MMUT: variants seen among roughly 807,000 people sequenced by gnomAD.
The protein encoded by MMUT is methylmalonyl-CoA mutase.
A neutral mutation model predicts 79.9 loss-of-function variants in MMUT; 79 were observed. That is an observed-to-expected ratio of 0.99 (90% CI 0.82 to 1.19). The LOEUF is 1.19. Among genes scored for constraint, MMUT ranks in the 50% most tolerant of loss-of-function variants. The pLI is 0.00. For missense variants in MMUT, 860 were observed against 917.2 expected, an observed-to-expected ratio of 0.94 and a Z score of 0.81; for synonymous variants, 273 against 295.7, an observed-to-expected ratio of 0.92 and a Z score of 0.79.
chr6:49,435,621 A>G lies in MMUT; in HGVS notation c.1959T>C (p.Thr653=), dbSNP rs149460386. ...CAGCCTGCTGGGCCACTTCACGAGG[A>G]GTCTAAACAGTCAGAAAGTAAAGAT... ...FDVDIGPLFQ[T]PREVAQQAVD... is the part of the protein sequence containing the mutation. Residue 653 remains threonine (T), a splice_region_variant and synonymous_variant, in exon 12 of 13, where the codon ACT becomes ACC. Transcript: ENST00000274813. 48 of 1,613,120 alleles carry G rather than the reference A, an allele frequency of 3.0e-5. No individual in the cohort carries two copies. The highest frequency in any genetic ancestry group is 4.0e-5 in the Non-Finnish European group (47 of 1,179,644).
chr6:49,455,945 A>G (rs1198317407), intron 4 of MMUT, 135 bp downstream of exon 4: 5 of 795,294 alleles, frequency 6.3e-6, no homozygotes, highest in Non-Finnish European at 9.7e-6. Flanking sequence ...TTTTTCTCTC[A>G]TTATCACTCA....
At position 49,447,661 on chromosome 6, in the gene MMUT, T is replaced by G; in HGVS notation, c.1560+9A>C. 1 of 1,442,938 alleles carries G rather than the reference T, an allele frequency of 6.9e-7. No individual in the cohort carries two copies. Among genetic ancestry groups the G allele is most frequent in the Non-Finnish European group, 9.7e-7 (1 of 1,031,104 alleles). The allele number at this position is 1,442,938 out of a possible 1,614,324, so 89.4% of individuals were successfully genotyped here. The stretch of plus-strand genomic sequence containing the variant: ...CTTAAAAAAAAAAAAAAAAGCAAGC[T>G]ATTAATACCTTCTTAAGTTTTTCAA... On this transcript the variant is annotated intron_variant, in intron 8 of 12. Transcript: ENST00000274813.
intron 11 of MMUT, among the ~76,000 whole-genome samples, chr6:49,439,347 T>G (rs1404121891): frequency 6.6e-6 from 1 of 152,102 alleles, no homozygotes; most frequent in African/African-American, 2.4e-5. Context: ...AGGCCCTTCC[T>G]CCAAAATCTT....
Position 49,453,693 on chromosome 6 carries a change from A to G in MMUT, c.975T>C (p.Gly325=). ...FYMEIAKMRA[G]RRLWAHLIEK... is the part of the protein sequence containing the mutation. The stretch of plus-strand genomic sequence containing the variant: ...CTATTAAGTGAGCCCAGAGTCTTCT[A>G]CCAGCTCTCATCTTTGCTATTTCCA... Residue 325 remains glycine, a synonymous_variant, in exon 5 of 13, where the codon GGT becomes GGC. Coordinates refer to ENST00000274813, the MANE Select transcript of MMUT (RefSeq NM_000255.4). 6.2e-7 allele frequency: 1 copy of G among 1,613,382 alleles called. No homozygotes were observed. Among genetic ancestry groups the G allele is most frequent in the Non-Finnish European group, 8.5e-7 (1 of 1,179,536 alleles).
intron 8 of MMUT, among the ~76,000 whole-genome samples, chr6:49,446,101 T>A (rs942243684): frequency 1.3e-5 from 2 of 151,946 alleles, no homozygotes; most frequent in African/African-American, 4.8e-5. Context: ...TAGTTTGCTA[T>A]AATTATCTCA....
chr6:49,451,764 T>C lies in MMUT; in HGVS notation c.1084-50A>G, dbSNP rs141825870. On this transcript the variant is annotated intron_variant, in intron 5 of 12. Coordinates refer to ENST00000274813, the MANE Select transcript of MMUT (RefSeq NM_000255.4). The stretch of plus-strand genomic sequence containing the variant: ...AACTCAAAGAAACAGGTGATAGATA[T>C]TGCAACTATAAACAGCAACATGATT... The C allele has an allele frequency of 2.2e-3, 3,446 of 1,570,046 alleles. 128 individuals are homozygous for C. The East Asian group carries it at 0.064, about 29-fold the overall frequency.
intron 6 of MMUT, 114 bp from the exon 7 acceptor site, chr6:49,449,041 ATGT>A: frequency 1.8e-6 from 1 of 555,332 alleles, no homozygotes; most frequent in East Asian, 3.3e-5. Flanking sequence ...TATAAACTAA[ATGT>A]TAATGTTTCA....
chr6:49,447,616 A>G (rs2127416756), intron 8 of MMUT, 54 bp downstream of exon 8: 1 of 1,009,772 alleles, frequency 9.9e-7, no homozygotes, highest in South Asian at 1.3e-5. Flanking sequence ...GCTTAGCCAG[A>G]GCCCAGAACA....
At chr6:49,457,493 C>T (rs1767718581) in intron 3 of MMUT, among the ~76,000 whole-genome samples, 198 bp downstream of exon 3, 1 of 152,158 alleles carries the variant, frequency 6.6e-6, no homozygotes, top group Non-Finnish European at 1.5e-5. Context: ...AAAGAAAACA[C>T]AGTAAAGATC....
At chr6:49,438,635 A>G (rs6918347) in intron 11 of MMUT, among the ~76,000 whole-genome samples, 89,351 of 151,940 alleles carry the variant, frequency 0.59, 26,644 homozygotes, top group South Asian at 0.65. Flanking sequence ...TTAATACTCC[A>G]TGTCAACTTG....
intron 1 of MMUT, among the ~76,000 whole-genome samples, chr6:49,462,824 A>G (rs1263627154): frequency 6.6e-6 from 1 of 152,192 alleles, no homozygotes; most frequent in Non-Finnish European, 1.5e-5. Flanking sequence ...TAAGTGGCCA[A>G]AGAAGATACC....
chr6:49,435,447 A>T lies in MMUT; in HGVS notation c.2124+9T>A, dbSNP rs1767095253. On this transcript the variant is annotated intron_variant, in intron 12 of 12. Transcript: ENST00000274813. The stretch of plus-strand genomic sequence containing the variant: ...ATCACAGTACTAGAAAAATAGAGAT[A>T]AAAAATACCTGAGGTGGTATCACCC... 6.2e-7 allele frequency: 1 copy of T among 1,611,266 alleles called. No individual in the cohort carries two copies.
intron 9 of MMUT, 99 bp downstream of exon 9, chr6:49,444,540 A>T: frequency 1.1e-6 from 1 of 933,256 alleles, no homozygotes; most frequent in Non-Finnish European, 1.7e-6. Context: ...TTTTGGGCTC[A>T]CATGGTTTAC....
intron 6 of MMUT, 85 bp from the exon 7 acceptor site, chr6:49,449,012 T>C: frequency 1.5e-6 from 1 of 675,282 alleles, no homozygotes; most frequent in Non-Finnish European, 2.5e-6. Flanking sequence ...TGTTATATAA[T>C]TACTAATATT....
At position 49,453,754 on chromosome 6, in the gene MMUT, A is replaced by G. The variant is rs1554160246; in HGVS notation, c.914T>C (p.Leu305Ser). The G allele has an allele frequency of 1.9e-6, 3 of 1,611,420 alleles. No individual in the cohort carries two copies. Among genetic ancestry groups the G allele is most frequent in the East Asian group, 4.5e-5 (2 of 44,704 alleles). The change falls in exon 5 of 13, where the codon TTG becomes TCG. Residue 305 changes from leucine (L) to serine (S), a missense_variant and splice_region_variant. Transcript: ENST00000274813. ...CATTCCAATTCCCCAGAAGAAAGAC[A>G]ACCTAAAATAGTAACGTTAGGTCCA... ...GLTIDEFAPR[L>S]SFFWGIGMNF...
At chr6:49,447,874 T>C in intron 7 of MMUT, 89 bp from the exon 8 acceptor site, 1 of 749,770 alleles carries the variant, frequency 1.3e-6, no homozygotes, top group African/African-American at 1.8e-5. Context: ...ATAAATTTAA[T>C]ATCTTTAAGT....
At chr6:49,440,409 A>T in intron 10 of MMUT, 56 bp from the exon 11 acceptor site, 5 of 1,536,910 alleles carry the variant, frequency 3.3e-6, no homozygotes, top group Non-Finnish European at 4.5e-6. Flanking sequence ...CAAAGGGAAG[A>T]TATAAAAACT....
intron 2 of MMUT, 130 bp from the exon 3 acceptor site, chr6:49,458,188 C>T (rs981604167): frequency 2.2e-6 from 2 of 923,768 alleles, no homozygotes; most frequent in African/African-American, 3.3e-5. Context: ...TATTTTTATG[C>T]TCATACATGT....
At chr6:49,449,863 TA>T (rs1767505532) in intron 6 of MMUT, among the ~76,000 whole-genome samples, 2 of 151,734 alleles carry the variant, frequency 1.3e-5, no homozygotes, top group Non-Finnish European at 2.9e-5. Context: ...TACATGAATG[TA>T]AAAATAAGTA....
Sources: allele counts gnomAD v4.1 joint callset (sites outside exome capture counted in the v4.1 genomes callset), GRCh38; gene constraint gnomAD v4.1.1; transcripts MANE v1.5; gene names NCBI Gene and HGNC (gene_info 2026-07-23, HGNC 2026-07-21).